The following DPP10 variants were observed in gnomAD, a reference collection of about 807,000 sequenced individuals.
The protein encoded by DPP10 is inactive dipeptidyl peptidase 10.
DPP10 carries 33 observed loss-of-function variants against 120.9 expected under a neutral mutation model. The observed-to-expected ratio is 0.27, with a 90% CI of 0.21 to 0.37. The LOEUF (loss-of-function observed/expected upper bound fraction) is 0.37. Ranked by LOEUF, DPP10 falls within the 10% of genes least tolerant of loss-of-function variation. The probability of loss-of-function intolerance (pLI) is 1.00; values close to 1 mark genes in which losing one functional copy is unlikely to be tolerated. For synonymous variants in DPP10, 337 were observed against 326.1 expected, an observed-to-expected ratio of 1.03 and a Z score of -0.36; for missense variants, 816 against 942.8, an observed-to-expected ratio of 0.87 and a Z score of 1.76.
chr2:115,263,791 A>G (rs1339607718), intron 1 of DPP10, among the ~76,000 whole-genome samples: 1 of 152,194 alleles, frequency 6.6e-6, no homozygotes, highest in Non-Finnish European at 1.5e-5. Context: ...TGCCTTCCTT[A>G]TATACATGTT....
chr2:114,539,362 T>G (rs1316711335), intron 1 of DPP10, among the ~76,000 whole-genome samples: 1 of 152,054 alleles, frequency 6.6e-6, no homozygotes, highest in Admixed American at 6.5e-5. Flanking sequence ...TTCACAGCTC[T>G]GATGGAAGTT....
chr2:115,233,667 G>A (rs551778110), intron 1 of DPP10, among the ~76,000 whole-genome samples: 76 of 152,248 alleles, frequency 5.0e-4, no homozygotes, highest in Admixed American at 3.0e-3. Flanking sequence ...CCTGGAATGA[G>A]CACTTAGTCT....
chr2:114,618,368 A>G (rs1419977944), intron 1 of DPP10, among the ~76,000 whole-genome samples: 2 of 152,088 alleles, frequency 1.3e-5, no homozygotes, highest in Admixed American at 6.6e-5. Context: ...TGACAAGTAC[A>G]CAGGTCTCTC....
chr2:115,515,904 A>C (rs2077480689), intron 4 of DPP10, among the ~76,000 whole-genome samples: 1 of 152,144 alleles, frequency 6.6e-6, no homozygotes, highest in Admixed American at 6.6e-5. Flanking sequence ...AAATAAACAC[A>C]CACACTGAAC....
At chr2:114,552,368 T>C (rs1024924808) in intron 1 of DPP10, among the ~76,000 whole-genome samples, 1 of 152,200 alleles carries the variant, frequency 6.6e-6, no homozygotes, top group African/African-American at 2.4e-5. Context: ...TTTCCGGCTG[T>C]CTAGTCCATT....
intron 1 of DPP10, among the ~76,000 whole-genome samples, chr2:114,451,474 G>C (rs895356362): frequency 5.3e-5 from 8 of 152,010 alleles, no homozygotes; most frequent in Non-Finnish European, 1.2e-4. Context: ...GGGAAGGGAG[G>C]CATTCACAAA....
intron 5 of DPP10, among the ~76,000 whole-genome samples, chr2:115,602,469 A>C (rs2083391134): frequency 6.6e-6 from 1 of 152,248 alleles, no homozygotes; most frequent in Non-Finnish European, 1.5e-5. Flanking sequence ...CCTATAAAGG[A>C]AATGATATCA....
At chr2:115,184,880 G>A (rs920861186) in intron 1 of DPP10, among the ~76,000 whole-genome samples, 5 of 152,146 alleles carry the variant, frequency 3.3e-5, no homozygotes, top group Admixed American at 2.0e-4. Context: ...AAACAGTTAT[G>A]AAAAATGAAT....
At chr2:114,761,987 G>C (rs1242974950) in intron 1 of DPP10, among the ~76,000 whole-genome samples, 3 of 152,084 alleles carry the variant, frequency 2.0e-5, no homozygotes, top group African/African-American at 7.2e-5. Flanking sequence ...TGGGGTCTCT[G>C]AAATAACACT....
intron 1 of DPP10, 48 bp downstream of exon 1, chr2:114,442,886 T>C (rs1053443461): frequency 1.1e-5 from 17 of 1,604,810 alleles, no homozygotes; most frequent in Non-Finnish European, 1.4e-5. Flanking sequence ...TCTTCATTCA[T>C]CTACCTAACA....
chr2:115,260,662 T>C (rs974368588), intron 1 of DPP10, among the ~76,000 whole-genome samples: 6 of 152,180 alleles, frequency 3.9e-5, no homozygotes, highest in African/African-American at 1.4e-4. Flanking sequence ...ACTATAGTAG[T>C]CTGTGATTAA....
chr2:115,318,334 T>C (rs2061897883), intron 2 of DPP10, among the ~76,000 whole-genome samples: 2 of 152,132 alleles, frequency 1.3e-5, no homozygotes, highest in Admixed American at 6.6e-5. Flanking sequence ...TACTGCACCT[T>C]TGTGGAATGT....
intron 1 of DPP10, among the ~76,000 whole-genome samples, chr2:114,467,960 C>T (rs1156892142): frequency 6.6e-6 from 1 of 152,146 alleles, no homozygotes; most frequent in African/African-American, 2.4e-5. Flanking sequence ...GTTGAGGTAG[C>T]AGTGAGCTGT....
chr2:114,924,938 A>G (rs150299123), intron 1 of DPP10, among the ~76,000 whole-genome samples: 1,904 of 152,224 alleles, frequency 0.013, 17 homozygotes, highest in Non-Finnish European at 0.021. Flanking sequence ...TTGGCTGGGC[A>G]CGGTGGCTCA....
chr2:115,528,007 G>A (rs1214586428), intron 5 of DPP10, among the ~76,000 whole-genome samples: 1 of 152,076 alleles, frequency 6.6e-6, no homozygotes. Context: ...TTGCTATTGT[G>A]AGTTATGCCA....
intron 3 of DPP10, among the ~76,000 whole-genome samples, chr2:115,497,092 A>T (rs1314428745): frequency 6.6e-6 from 1 of 152,090 alleles, no homozygotes; most frequent in East Asian, 1.9e-4. Context: ...TATTATCTAT[A>T]TATAGGCGAG....
intron 19 of DPP10, among the ~76,000 whole-genome samples, chr2:115,797,955 G>GTGTA (rs1553512104): frequency 7.4e-5 from 11 of 149,602 alleles, no homozygotes; most frequent in East Asian, 2.0e-4. Context: ...GTGTGTGTGT[G>GTGTA]TATATATATA....
chr2:115,161,692 CGCCGCGGCTCGCT>C (rs1221544935), intron 1 of DPP10: 9 of 366,198 alleles, frequency 2.5e-5, no homozygotes, highest in Admixed American at 9.6e-5. Context: ...CTCGCCTCGC[CGCCGCGGCTCGCT>C]GCGCTTTGGG....
At chr2:114,603,520 G>A (rs962915301) in intron 1 of DPP10, among the ~76,000 whole-genome samples, 2 of 151,986 alleles carry the variant, frequency 1.3e-5, no homozygotes, top group Admixed American at 1.3e-4. Flanking sequence ...AGACATAGGA[G>A]GGCATTTGCA....
Sources: gnomAD v4.1 joint callset for allele counts (sites outside exome capture counted in the v4.1 genomes callset) on GRCh38, gnomAD v4.1.1 for gene constraint, MANE v1.5 for transcripts, NCBI Gene and HGNC (gene_info 2026-07-23, HGNC 2026-07-21) for gene names.